PKHD1L1: variants seen among roughly 807,000 people sequenced by gnomAD.
PKHD1L1 encodes the protein PKHD1 like 1.
PKHD1L1 carries 434 observed loss-of-function variants against 462.9 expected under a neutral mutation model. That is an observed-to-expected ratio of 0.94 (90% CI 0.87 to 1.02). The LOEUF (loss-of-function observed/expected upper bound fraction) is 1.02, where lower values mean the gene tolerates loss of function less well. PKHD1L1 is among the 50% of genes least tolerant of loss of function. The pLI, the probability that PKHD1L1 is intolerant of heterozygous loss-of-function variation, is 0.00. For missense variants in PKHD1L1, 5,202 were observed against 5,096.1 expected, an observed-to-expected ratio of 1.02 and a Z score of -0.63; for synonymous variants, 1,781 against 1,750.0, an observed-to-expected ratio of 1.02 and a Z score of -0.44.
At chr8:109,409,162 A>T (rs1047648536) in intron 18 of PKHD1L1, among the ~76,000 whole-genome samples, 1 of 152,112 alleles carries the variant, frequency 6.6e-6, no homozygotes, top group African/African-American at 2.4e-5. Flanking sequence ...ATTTTAGGAG[A>T]CTTGTGAATA....
rs1816034092 is a variant in PKHD1L1, at chr8:109,444,886, G to A, written c.5017G>A (p.Gly1673Arg). The A allele has an allele frequency of 6.2e-7, 1 of 1,613,992 alleles. No individual in the cohort carries two copies. Among genetic ancestry groups the A allele is most frequent in the Non-Finnish European group, 8.5e-7 (1 of 1,179,888 alleles). The change falls in exon 38 of 78, where the codon GGA becomes AGA. Residue 1673 changes from glycine (G) to arginine (R), a missense_variant. By Grantham distance (125) the Gly-to-Arg change is moderately radical. Transcript: ENST00000378402. The stretch of plus-strand genomic sequence containing the variant: ...GTTGCCAAATGCAGGATCAACTACA[G>A]GAATGACAAGCGTGACCATAAAAGG... ...LVLPNAGSTT[G>R]MTSVTIKGSG...
chr8:109,452,280 G>C lies in PKHD1L1; in HGVS notation c.6507G>C (p.Leu2169=). The change falls in exon 42 of 78, where the codon CTG becomes CTC. Residue 2169 remains leucine, a splice_region_variant and synonymous_variant. Coordinates refer to ENST00000378402, the MANE Select transcript of PKHD1L1 (RefSeq NM_177531.6). ...VHIRGVGMAK[L]DNADFLYVDA... is the part of the protein sequence containing the mutation. ...TCAGAGGTGTCGGCATGGCCAAACTGGTAATAGTGCTGTTGGGTATAGTAA... is the reference window on the plus strand; with the variant it reads ...TCAGAGGTGTCGGCATGGCCAAACTCGTAATAGTGCTGTTGGGTATAGTAA... The C allele has an allele frequency of 6.3e-7, 1 of 1,597,002 alleles. No individual in the cohort carries two copies. The highest frequency in any genetic ancestry group is 8.5e-7 in the Non-Finnish European group (1 of 1,169,820).
At chr8:109,517,750 G>A (rs963027011) in intron 72 of PKHD1L1, among the ~76,000 whole-genome samples, 3 of 152,010 alleles carry the variant, frequency 2.0e-5, no homozygotes, top group East Asian at 1.9e-4. Context: ...TTAAGAGTTG[G>A]CATATAGCAC....
At chr8:109,451,862 A>G (rs1044437104) in intron 41 of PKHD1L1, among the ~76,000 whole-genome samples, 2 of 152,202 alleles carry the variant, frequency 1.3e-5, no homozygotes, top group African/African-American at 4.8e-5. Context: ...ACTGAACAAC[A>G]ACAATCACTG....
intron 71 of PKHD1L1, 69 bp from the exon 72 acceptor site, chr8:109,515,101 G>T: frequency 8.1e-7 from 1 of 1,227,346 alleles, no homozygotes; most frequent in South Asian, 1.7e-5. Context: ...AATATTGAAG[G>T]ACGGTTTAAG....
chr8:109,507,982 C>G, intron 69 of PKHD1L1, 87 bp downstream of exon 69: 1 of 1,512,616 alleles, frequency 6.6e-7, no homozygotes, highest in South Asian at 1.2e-5. Context: ...CCTACTCAAC[C>G]AATAACTTTT....
chr8:109,389,188 G>C (rs747043649), intron 8 of PKHD1L1, 36 bp downstream of exon 8: 1 of 1,501,472 alleles, frequency 6.7e-7, no homozygotes. Flanking sequence ...AATGCTCACA[G>C]ATGCCTTATT....
chr8:109,376,561 A>T (rs939826310), intron 2 of PKHD1L1, among the ~76,000 whole-genome samples: 1 of 152,114 alleles, frequency 6.6e-6, no homozygotes, highest in Non-Finnish European at 1.5e-5. Flanking sequence ...CTCAGTTGGA[A>T]ATGCAGAAAT....
At chr8:109,369,876 T>C (rs1811410325) in intron 2 of PKHD1L1, among the ~76,000 whole-genome samples, 1 of 152,182 alleles carries the variant, frequency 6.6e-6, no homozygotes, top group African/African-American at 2.4e-5. Flanking sequence ...TCAATGCAAA[T>C]GTCTCTCACA....
chr8:109,367,952 A>C (rs1439227033), intron 2 of PKHD1L1, among the ~76,000 whole-genome samples: 3 of 152,316 alleles, frequency 2.0e-5, no homozygotes, highest in Admixed American at 1.3e-4. Context: ...ATATAGATAC[A>C]TGATTTTACT....
chr8:109,397,383 A>G (rs6993467), intron 11 of PKHD1L1, among the ~76,000 whole-genome samples: 98,935 of 152,084 alleles, frequency 0.65, 33,721 homozygotes, highest in African/African-American at 0.86. Flanking sequence ...AACACTCAAA[A>G]TAGTGAAACG....
At chr8:109,493,007 T>C (rs1268457566) in intron 62 of PKHD1L1, among the ~76,000 whole-genome samples, 4 of 151,674 alleles carry the variant, frequency 2.6e-5, no homozygotes, top group Non-Finnish European at 5.9e-5. Flanking sequence ...CTCATTGCCT[T>C]AGTTGTCCTT....
At chr8:109,370,775 C>T (rs138745500) in intron 2 of PKHD1L1, among the ~76,000 whole-genome samples, 3,191 of 152,076 alleles carry the variant, frequency 0.021, 113 homozygotes, top group African/African-American at 0.072. Flanking sequence ...TTTTTGTCCT[C>T]GCGATAGCTT....
At chr8:109,443,599 A>C (rs1815937232) in intron 36 of PKHD1L1, 77 bp from the exon 37 acceptor site, 2 of 1,123,420 alleles carry the variant, frequency 1.8e-6, no homozygotes, top group Non-Finnish European at 2.5e-6. Context: ...CATCAAAATA[A>C]AGAGTAACGC....
intron 46 of PKHD1L1, among the ~76,000 whole-genome samples, chr8:109,457,301 T>C (rs1264914910): frequency 6.6e-6 from 1 of 152,168 alleles, no homozygotes; most frequent in Non-Finnish European, 1.5e-5. Context: ...TTAGCTTTAG[T>C]GCTCATTTTG....
At position 109,446,877 on chromosome 8, in the gene PKHD1L1, T is replaced by C. The variant is rs185955958; in HGVS notation, c.5776+1232T>C. 3.5e-4 allele frequency among the ~76,000 whole-genome samples: 54 copies of C among 152,244 alleles called. 1 individual carries two copies. Among genetic ancestry groups the C allele is most frequent in the South Asian group, 3.5e-3 (17 of 4,824 alleles). ...ACGCTGTTCCATTTGAAAGGCAAAATGTCAAGCAAAATTAAATGTTAAGAC... is the reference window on the plus strand; with the variant it reads ...ACGCTGTTCCATTTGAAAGGCAAAACGTCAAGCAAAATTAAATGTTAAGAC... On this transcript the variant is annotated intron_variant, in intron 38 of 77. Coordinates refer to ENST00000378402, the MANE Select transcript of PKHD1L1 (RefSeq NM_177531.6).
chr8:109,466,985 A>G (rs1292217982), intron 50 of PKHD1L1, among the ~76,000 whole-genome samples: 1 of 152,092 alleles, frequency 6.6e-6, no homozygotes, highest in Non-Finnish European at 1.5e-5. Context: ...CTGATCAAGA[A>G]ACCTCCAGAC....
At chr8:109,373,483 GT>G (rs140711121) in intron 2 of PKHD1L1, among the ~76,000 whole-genome samples, 29 of 151,790 alleles carry the variant, frequency 1.9e-4, no homozygotes, top group Admixed American at 8.5e-4. Flanking sequence ...TTTTTGAAGG[GT>G]TTTTTGTGTC....
intron 61 of PKHD1L1, among the ~76,000 whole-genome samples, chr8:109,491,657 T>C (rs1818832723): frequency 6.6e-6 from 1 of 151,884 alleles, no homozygotes; most frequent in African/African-American, 2.4e-5. Context: ...TTAACAAGCA[T>C]CCCAGAAGAT....
Sources: gnomAD v4.1 joint callset for allele counts (sites outside exome capture counted in the v4.1 genomes callset) on GRCh38, gnomAD v4.1.1 for gene constraint, MANE v1.5 for transcripts, NCBI Gene and HGNC (gene_info 2026-07-23, HGNC 2026-07-21) for gene names.